Variants in KANK2 observed in about 807,000 individuals in gnomAD.
The protein encoded by KANK2 is KN motif and ankyrin repeat domains 2.
In KANK2, 41 loss-of-function variants were observed where a neutral mutation model predicts 74.6. The ratio of observed to expected loss-of-function variants is 0.55; its 90% CI spans 0.43 to 0.71. The LOEUF (loss-of-function observed/expected upper bound fraction) is 0.71. Among genes scored for constraint, KANK2 ranks in the 30% least tolerant of loss-of-function variants. The pLI is 0.00. For synonymous variants in KANK2, 537 were observed against 519.0 expected (o/e 1.03, Z -0.47); for missense variants, 1,148 against 1,196.4 (o/e 0.96, Z 0.60).
rs2077987549 is a variant in KANK2, at chr19:11,164,806, T to C, written c.*1752A>G. On this transcript the variant is annotated 3_prime_UTR_variant, in exon 13 of 13. Coordinates refer to ENST00000586659, the MANE Select transcript of KANK2 (RefSeq NM_001136191.3). ...CAAGCCCTATTTTGTTTTACGTACA[T>C]TCCCTTCACTAAAAATCAAAGCAAG... The C allele has an allele frequency of 6.6e-6, 1 of 152,060 alleles. No individual in the cohort carries two copies. The highest frequency in any genetic ancestry group is 2.4e-5 in the African/African-American group (1 of 41,410). 9.4% of individuals were successfully genotyped at this position (152,060 alleles called of 1,614,324 possible).
chr19:11,178,475 T>A (rs1392064118), intron 5 of KANK2, 28 bp from the exon 6 acceptor site: 1 of 1,602,034 alleles, frequency 6.2e-7, no homozygotes, highest in Non-Finnish European at 8.5e-7. Flanking sequence ...GGAGGTGCTG[T>A]GAGAGTCCTT....
chr19:11,176,523 G>A, intron 7 of KANK2, 55 bp downstream of exon 7: 1 of 1,516,644 alleles, frequency 6.6e-7, no homozygotes. Context: ...GGGGTTTGAG[G>A]CAGAGGTCAT....
intron 9 of KANK2, among the ~76,000 whole-genome samples, chr19:11,173,466 G>C (rs1198105032): frequency 5.3e-5 from 8 of 152,066 alleles, no homozygotes; most frequent in African/African-American, 1.9e-4. Flanking sequence ...TCCTTCATCA[G>C]CCCGGGAGGC....
intron 9 of KANK2, 89 bp downstream of exon 9, chr19:11,174,384 G>T: frequency 9.5e-7 from 1 of 1,056,192 alleles, no homozygotes; most frequent in Non-Finnish European, 1.4e-6. Flanking sequence ...TTCCCCATCA[G>T]ATGGGGAGGG....
intron 3 of KANK2, 152 bp downstream of exon 3, chr19:11,194,323 C>T (rs1386612975): frequency 3.0e-6 from 2 of 670,328 alleles, no homozygotes; most frequent in Non-Finnish European, 5.1e-6. Flanking sequence ...CCCTTCAGAC[C>T]CTCCCAGGGC....
At chr19:11,188,327 G>A (rs2078736123) in intron 4 of KANK2, among the ~76,000 whole-genome samples, 1 of 151,876 alleles carries the variant, frequency 6.6e-6, no homozygotes, top group Admixed American at 6.6e-5. Flanking sequence ...TCCTGTCTCA[G>A]CTTCCCAAGT....
At chr19:11,186,194 C>G (rs1460023753) in intron 4 of KANK2, among the ~76,000 whole-genome samples, 1 of 152,034 alleles carries the variant, frequency 6.6e-6, no homozygotes, top group Non-Finnish European at 1.5e-5. Context: ...TTGAGACCAG[C>G]CTGGCCAACA....
rs771164084 is a variant in KANK2 at position 11,173,034 on chromosome 19, C to T, written c.2158G>A (p.Glu720Lys). ...AGCCGGAAGAGCTGAAGGACAGTCT[C>T]GATGTCGTCCTGGGTCTTCAGGGTG... ...LATLKTQDDIETVLQLFRLGN... is the reference protein window; with the variant it reads ...LATLKTQDDIKTVLQLFRLGN... The change falls in exon 10 of 13, where the codon GAG becomes AAG. Residue 720 changes from glutamate to lysine, a missense_variant. Glu to Lys is a moderately conservative substitution (Grantham distance 56). Coordinates refer to ENST00000586659, the MANE Select transcript of KANK2 (RefSeq NM_001136191.3). The T allele has an allele frequency of 8.5e-5, 137 of 1,613,946 alleles. No individual in the cohort carries two copies. Among genetic ancestry groups the T allele is most frequent in the Non-Finnish European group, 1.0e-4 (121 of 1,180,014 alleles).
Position 11,176,642 on chromosome 19 carries a change from G to A in KANK2, c.1696C>T (p.Arg566Ter). Residue 566 changes from arginine (R) to a stop codon, truncating the protein, a stop_gained, in exon 7 of 13, where the codon CGA becomes TGA. Transcript: ENST00000586659. LOFTEE classifies it high-confidence loss of function. ...GCAGTGGGTATGTGCTGAGATTCTC[G>A]AGACAGCTGACACTCCTGCCGGCTG... ...KTSRQECQLS[R>*]ESQHIPTAEG... 2 of 1,613,394 alleles carry A rather than the reference G, an allele frequency of 1.2e-6. No individual in the cohort carries two copies. Among genetic ancestry groups the A allele is most frequent in the Non-Finnish European group, 1.7e-6 (2 of 1,179,738 alleles).
At chr19:11,189,528 C>T (rs1229065090) in intron 4 of KANK2, among the ~76,000 whole-genome samples, 1 of 128,832 alleles carries the variant, frequency 7.8e-6, no homozygotes, top group Non-Finnish European at 1.6e-5. Context: ...CGCTTGAACT[C>T]GGGAGGCGGG....
chr19:11,194,137 G>A (rs796435351), intron 3 of KANK2, 95 bp from the exon 4 acceptor site: 45 of 1,342,108 alleles, frequency 3.4e-5, no homozygotes, highest in East Asian at 9.7e-5. Flanking sequence ...TTTATTTGCC[G>A]AAGAGATGGG....
At chr19:11,176,030 C>A (rs1434060095) in intron 7 of KANK2, 41 bp from the exon 8 acceptor site, 4 of 1,505,928 alleles carry the variant, frequency 2.7e-6, no homozygotes, top group Non-Finnish European at 2.8e-6. Context: ...GTAAGCCCCG[C>A]TGCGGTGCCT....
chr19:11,194,411 G>T, intron 3 of KANK2, 64 bp downstream of exon 3: 1 of 1,347,484 alleles, frequency 7.4e-7, no homozygotes. Context: ...AAGGTCCCCA[G>T]CCCCCTCAGG....
At chr19:11,184,280 G>A (rs894326253) in intron 4 of KANK2, among the ~76,000 whole-genome samples, 2 of 150,054 alleles carry the variant, frequency 1.3e-5, no homozygotes, top group African/African-American at 4.9e-5. Flanking sequence ...GGAGGATGAG[G>A]CAGGAGAATT....
intron 4 of KANK2, among the ~76,000 whole-genome samples, chr19:11,190,265 C>G (rs1420920754): frequency 6.6e-6 from 1 of 152,100 alleles, no homozygotes; most frequent in Non-Finnish European, 1.5e-5. Context: ...CTAGCTAGGA[C>G]TACAGGCGTG....
chr19:11,193,579 C>T lies in KANK2; in HGVS notation c.501G>A (p.Pro167=), dbSNP rs201695124. ...ASLVGVGLPP[P]TPRSSGLSTP... ...TGGACAGTCCTGAACTCCGTGGTGT[C>T]GGGGGTGGCAACCCCACGCCCACCA... The change falls in exon 4 of 13, where the codon CCG becomes CCA. Residue 167 remains proline (P), a synonymous_variant. Coordinates refer to ENST00000586659, the MANE Select transcript of KANK2 (RefSeq NM_001136191.3). This position sits in a 1 kb window ranked among gnomAD's most constrained non-coding sequence, Gnocchi z 9.6. 28 of 1,588,014 alleles carry T rather than the reference C, an allele frequency of 1.8e-5. No individual in the cohort carries two copies. The highest frequency in any genetic ancestry group is 9.4e-5 in the African/African-American group (7 of 74,594).
chr19:11,196,549 C>T (rs542835958), intron 1 of KANK2: 1 of 152,426 alleles, frequency 6.6e-6, no homozygotes, highest in South Asian at 2.1e-4. Context: ...ACCAAGCCAC[C>T]ACCCTCAGAC....
In KANK2 at chr19:11,174,554, C is replaced by T. The variant is rs202053134; in HGVS notation, c.1987G>A (p.Ala663Thr). ...AGGGCTGTGTTGCCGTTGCTGTCGGCGATGTTGACCACGTAGTCCAGCAGC... is the reference window on the plus strand; with the variant it reads ...AGGGCTGTGTTGCCGTTGCTGTCGGTGATGTTGACCACGTAGTCCAGCAGC... ...ARLLDYVVNI[A>T]DSNGNTALHY... is the part of the protein sequence containing the mutation. Residue 663 changes from alanine (A) to threonine (T), a missense_variant, in exon 9 of 13, where the codon GCC becomes ACC. Coordinates refer to ENST00000586659, the MANE Select transcript of KANK2 (RefSeq NM_001136191.3). 61 of 1,613,454 alleles carry T rather than the reference C, an allele frequency of 3.8e-5. 1 individual carries two copies. In the Middle Eastern group the frequency reaches 8.2e-4, roughly 22 times the overall value.
At chr19:11,175,210 T>C (rs578102473) in intron 8 of KANK2, among the ~76,000 whole-genome samples, 16 of 151,838 alleles carry the variant, frequency 1.1e-4, no homozygotes, top group African/African-American at 3.9e-4. Flanking sequence ...GCGGATCACT[T>C]GAGGTCACGA....
Sources: gnomAD v4.1 joint callset for allele counts (sites outside exome capture counted in the v4.1 genomes callset) on GRCh38, gnomAD v4.1.1 for gene constraint, Gnocchi (gnomAD v3.1) non-coding constraint, MANE v1.5 for transcripts, NCBI Gene and HGNC (gene_info 2026-07-23, HGNC 2026-07-21) for gene names.